PSMA8: variants seen among roughly 807,000 people sequenced by gnomAD.
PSMA8 encodes the protein proteasome 20S subunit alpha 8, also known as proteasome subunit alpha-type 8.
PSMA8 carries 18 observed loss-of-function variants against 32.4 expected under a neutral mutation model. The ratio of observed to expected loss-of-function variants is 0.56; its 90% CI spans 0.38 to 0.82. The LOEUF (loss-of-function observed/expected upper bound fraction) is 0.82. Among genes scored for constraint, PSMA8 ranks in the 40% least tolerant of loss-of-function variants. The pLI is 0.00. For missense variants in PSMA8, 298 were observed against 300.7 expected (o/e 0.99, Z 0.07); for synonymous variants, 104 against 98.1 (o/e 1.06, Z -0.36).
rs553834708 is a variant in PSMA8, at chr18:26,183,066, A to G, written c.660+3936A>G. 8.3e-5 allele frequency among the ~76,000 whole-genome samples: 12 copies of G among 145,152 alleles called. 1 individual carries two copies. In the East Asian group the frequency reaches 2.1e-3, roughly 26 times the overall value. ...AAGATCATGCTATCGCACTCCAGAC[A>G]GGGCAGCAGAACGAGACTCTGTCTC... On this transcript the variant is annotated intron_variant, in intron 6 of 6. Transcript: ENST00000415576.
At chr18:26,183,111 G>A (rs754939252) in intron 6 of PSMA8, among the ~76,000 whole-genome samples, 1 of 149,412 alleles carries the variant, frequency 6.7e-6, no homozygotes, top group Non-Finnish European at 1.5e-5. Context: ...AAACAAAAAG[G>A]CCGGGCGTGG....
intron 4 of PSMA8, among the ~76,000 whole-genome samples, chr18:26,162,872 GAAATA>G (rs2055146557): frequency 6.6e-6 from 1 of 151,684 alleles, no homozygotes; most frequent in African/African-American, 2.4e-5. Flanking sequence ...TCTCAAAAAT[GAAATA>G]AAATAAAATA....
intron 1 of PSMA8, among the ~76,000 whole-genome samples, chr18:26,134,742 G>T (rs2054897796): frequency 6.6e-6 from 1 of 152,142 alleles, no homozygotes; most frequent in Admixed American, 6.5e-5. Flanking sequence ...ATCACCTGAG[G>T]TCGGGAGTTT....
intron 6 of PSMA8, among the ~76,000 whole-genome samples, chr18:26,187,835 G>A (rs2055368951): frequency 6.6e-6 from 1 of 152,024 alleles, no homozygotes; most frequent in Non-Finnish European, 1.5e-5. Flanking sequence ...TACAATAATA[G>A]CTAGAGTCTT....
intron 3 of PSMA8, among the ~76,000 whole-genome samples, chr18:26,152,949 G>C (rs981241966): frequency 6.6e-6 from 1 of 152,174 alleles, no homozygotes; most frequent in African/African-American, 2.4e-5. Context: ...TTCCAGAACT[G>C]TAAGAAGCAA....
At chr18:26,152,117 T>C in intron 3 of PSMA8, 135 bp downstream of exon 3, 2 of 522,808 alleles carry the variant, frequency 3.8e-6, no homozygotes, top group Middle Eastern at 5.6e-4. Context: ...TCACACTTAC[T>C]TTATATTCAT....
chr18:26,173,332 A>C lies in PSMA8; in HGVS notation c.478-5498A>C, dbSNP rs114688185. On this transcript the variant is annotated intron_variant, in intron 4 of 6. Coordinates refer to ENST00000415576, the MANE Select transcript of PSMA8 (RefSeq NM_001025096.2). Reference sequence around the variant, plus strand: ...ATTGTTTCCTCTGCCCAGAGCTTGCATGATATCTGCATGGCTACCATCCTC... The same window carrying C: ...ATTGTTTCCTCTGCCCAGAGCTTGCCTGATATCTGCATGGCTACCATCCTC... 5.1e-3 allele frequency among the ~76,000 whole-genome samples: 783 copies of C among 152,202 alleles called. 6 individuals are homozygous for C. The highest frequency in any genetic ancestry group is 0.018 in the African/African-American group (739 of 41,522).
intron 6 of PSMA8, among the ~76,000 whole-genome samples, chr18:26,192,035 T>C (rs2055407674): frequency 6.6e-6 from 1 of 152,176 alleles, no homozygotes. Flanking sequence ...CGCATTAAAA[T>C]GTTTTTGGAG....
At position 26,179,086 on chromosome 18, in the gene PSMA8, A is replaced by G; in HGVS notation, c.616A>G (p.Lys206Glu). 1 of 1,613,290 alleles carries G rather than the reference A, an allele frequency of 6.2e-7. No homozygotes were observed. The highest frequency in any genetic ancestry group is 1.3e-5 in the African/African-American group (1 of 75,044). Residue 206 changes from lysine (K) to glutamate (E), a missense_variant, in exon 6 of 7, where the codon AAA (lysine) becomes GAA (glutamate). By Grantham distance (56) the Lys-to-Glu change is moderately conservative. Coordinates refer to ENST00000415576, the MANE Select transcript of PSMA8 (RefSeq NM_001025096.2). ...ALLEVVQSGG[K>E]NIELAIIRRN... ...ACATTAGGTTGTCCAGTCTGGTGGA[A>G]AAAACATTGAACTTGCTATAATAAG... is the stretch of plus-strand genomic sequence containing the variant.
At chr18:26,135,136 G>A (rs929378243) in intron 1 of PSMA8, among the ~76,000 whole-genome samples, 5 of 152,136 alleles carry the variant, frequency 3.3e-5, no homozygotes, top group Non-Finnish European at 5.9e-5. Context: ...AATACTCAGG[G>A]TAGGAGTAAT....
Position 26,167,852 on chromosome 18 carries a change from T to TATGACATACCAAGCAGACTAA in PSMA8, c.477+9608_477+9609insATGACATACCAAGCAGACTAA, listed in dbSNP as rs1490158200. Among the ~76,000 whole-genome samples the TATGACATACCAAGCAGACTAA allele has an allele frequency of 2.3e-5, 3 of 131,104 alleles. 1 individual carries two copies. The highest frequency in any genetic ancestry group is 8.2e-5 in the African/African-American group (2 of 24,338). The allele number at this position is 131,104 out of a possible 152,430, so 86.0% of individuals were successfully genotyped here. On this transcript the variant is annotated intron_variant, in intron 4 of 6. Transcript: ENST00000415576. ...TGCCACCTGGTCTGTGGTATTTTTT[T>TATGACATACCAAGCAGACTAA]TTTTTTTTTTTATTAACAAGTGTAA... is the stretch of plus-strand genomic sequence containing the variant.
chr18:26,138,414 A>G (rs1332277136), intron 1 of PSMA8, among the ~76,000 whole-genome samples: 1 of 152,202 alleles, frequency 6.6e-6, no homozygotes, highest in Non-Finnish European at 1.5e-5. Context: ...TTTTTACTGT[A>G]CAGAGAAAGC....
At position 26,181,295 on chromosome 18, in the gene PSMA8, C is replaced by T. The variant is rs2055309090; in HGVS notation, c.660+2165C>T. Among the ~76,000 whole-genome samples, 3 of 152,146 alleles carry T rather than the reference C, an allele frequency of 2.0e-5. No homozygotes were observed. In the South Asian group the frequency reaches 6.2e-4, roughly 32 times the overall value. On this transcript the variant is annotated intron_variant, in intron 6 of 6. Coordinates refer to ENST00000415576, the MANE Select transcript of PSMA8 (RefSeq NM_001025096.2). ...GCTAATTGTTTTGGAGTGCCATGAA[C>T]TGCATCCATATAAAAAACACTGAGT...
intron 3 of PSMA8, among the ~76,000 whole-genome samples, chr18:26,157,531 A>G (rs1171380319): frequency 6.6e-6 from 1 of 152,190 alleles, no homozygotes; most frequent in African/African-American, 2.4e-5. Flanking sequence ...GTAGAAATAC[A>G]TACAATTGGT....
At chr18:26,187,174 A>C (rs1334982379) in intron 6 of PSMA8, among the ~76,000 whole-genome samples, 1 of 152,144 alleles carries the variant, frequency 6.6e-6, no homozygotes, top group African/African-American at 2.4e-5. Context: ...GTGAAAACCC[A>C]TCTCTACTAA....
At chr18:26,189,156 A>G (rs2055381729) in intron 6 of PSMA8, among the ~76,000 whole-genome samples, 1 of 152,096 alleles carries the variant, frequency 6.6e-6, no homozygotes, top group Non-Finnish European at 1.5e-5. Context: ...AAAAAACAAT[A>G]ATCTGATCAA....
At chr18:26,161,162 A>G (rs556773648) in intron 4 of PSMA8, among the ~76,000 whole-genome samples, 36 of 152,300 alleles carry the variant, frequency 2.4e-4, no homozygotes, top group East Asian at 7.7e-4. Flanking sequence ...TGATAGAAAC[A>G]TCCTCCCCAC....
chr18:26,173,327 C>T (rs1480921817), intron 4 of PSMA8, among the ~76,000 whole-genome samples: 2 of 152,190 alleles, frequency 1.3e-5, no homozygotes, highest in African/African-American at 4.8e-5. Flanking sequence ...CTGCCCAGAG[C>T]TTGCATGATA....
Position 26,171,207 on chromosome 18 carries a change from G to C in PSMA8, c.478-7623G>C, listed in dbSNP as rs536901641. On this transcript the variant is annotated intron_variant, in intron 4 of 6. Coordinates refer to ENST00000415576, the MANE Select transcript of PSMA8 (RefSeq NM_001025096.2). The stretch of plus-strand genomic sequence containing the variant: ...GAAATATCTGAATTCATTCCTGAGC[G>C]GTGGCCAGGGCAGGTCCCCGTTCTT... 6.4e-6 allele frequency: 10 copies of C among 1,559,214 alleles called. 2 individuals are homozygous for C. In the African/African-American group the frequency reaches 1.6e-4, roughly 25 times the overall value.
Sources: gnomAD v4.1 joint callset for allele counts (sites outside exome capture counted in the v4.1 genomes callset) on GRCh38, gnomAD v4.1.1 for gene constraint, MANE v1.5 for transcripts, NCBI Gene and HGNC (gene_info 2026-07-23, HGNC 2026-07-21) for gene names.